ADAMTS14: variants seen among roughly 807,000 people sequenced by gnomAD.
ADAMTS14 encodes the protein A disintegrin and metalloproteinase with thrombospondin motifs 14.
Under a neutral mutation model 128.6 loss-of-function variants are expected in ADAMTS14, and 100 were observed. The observed-to-expected ratio is 0.78, with a 90% CI of 0.66 to 0.92. The LOEUF is 0.92. ADAMTS14 is among the 40% of genes least tolerant of loss of function. The pLI is 0.00. For missense variants in ADAMTS14, 1,562 were observed against 1,658.6 expected (o/e 0.94, Z 1.01); for synonymous variants, 665 against 653.8 (o/e 1.02, Z -0.26).
chr10:70,678,216 A>G (rs1839702154), intron 2 of ADAMTS14, among the ~76,000 whole-genome samples: 1 of 152,216 alleles, frequency 6.6e-6, no homozygotes, highest in Non-Finnish European at 1.5e-5. Flanking sequence ...ATAGTTTACA[A>G]AGCTCTTTTG....
chr10:70,730,535 A>G (rs1044702417), intron 6 of ADAMTS14, among the ~76,000 whole-genome samples: 16 of 151,888 alleles, frequency 1.1e-4, no homozygotes, highest in African/African-American at 3.9e-4. Flanking sequence ...CTGCTGGAAG[A>G]CCCTCCATGG....
chr10:70,680,115 T>A (rs550684698), intron 2 of ADAMTS14, among the ~76,000 whole-genome samples: 3 of 152,322 alleles, frequency 2.0e-5, no homozygotes, highest in African/African-American at 4.8e-5. Context: ...AATAAACCTG[T>A]TACTGGCTGG....
At position 70,741,076 on chromosome 10, in the gene ADAMTS14, T is replaced by TC. The variant is rs1361443174; in HGVS notation, c.1840dup (p.Arg614ProfsTer27). On this transcript the variant is annotated frameshift_variant, in exon 12 of 22. Transcript: ENST00000373207. LOFTEE classifies it high-confidence loss of function. ...GAGTGCCCTGGGACCTACGAGGACT[T>TC]CCGGGCCCAGCAGTGTGCCAAGCGC... 1.2e-6 allele frequency: 2 copies of TC among 1,614,012 alleles called. No homozygotes were observed. Among genetic ancestry groups the TC allele is most frequent in the Admixed American group, 1.7e-5 (1 of 60,034 alleles).
At chr10:70,743,982 A>G (rs1337600445) in intron 13 of ADAMTS14, 84 bp from the exon 14 acceptor site, 7 of 1,496,414 alleles carry the variant, frequency 4.7e-6, no homozygotes, top group East Asian at 5.0e-5. Flanking sequence ...TCTCCTGACC[A>G]GGGCCTGGGG....
intron 15 of ADAMTS14, among the ~76,000 whole-genome samples, chr10:70,745,844 C>T (rs535026409): frequency 2.2e-4 from 33 of 152,238 alleles, no homozygotes; most frequent in Non-Finnish European, 4.4e-4. Flanking sequence ...AGGATGGCCT[C>T]GCTCACATGT....
At chr10:70,704,709 C>T (rs1361461826) in intron 3 of ADAMTS14, among the ~76,000 whole-genome samples, 1 of 151,628 alleles carries the variant, frequency 6.6e-6, no homozygotes, top group Non-Finnish European at 1.5e-5. Flanking sequence ...CACCCACACT[C>T]ACACATAGAC....
chr10:70,757,917 C>T (rs1321050027), intron 19 of ADAMTS14, 45 bp from the exon 20 acceptor site: 15 of 1,552,560 alleles, frequency 9.7e-6, no homozygotes, highest in South Asian at 2.5e-5. Context: ...TCTCCACCTA[C>T]CCTGACCCCG....
chr10:70,758,125 T>A, intron 20 of ADAMTS14, 34 bp downstream of exon 20: 1 of 1,612,418 alleles, frequency 6.2e-7, no homozygotes, highest in South Asian at 1.1e-5. Context: ...CCAGGTCCAG[T>A]CCCTTGGGCC....
chr10:70,756,945 G>C (rs900372738), intron 19 of ADAMTS14, among the ~76,000 whole-genome samples: 1 of 152,076 alleles, frequency 6.6e-6, no homozygotes, highest in African/African-American at 2.4e-5. Flanking sequence ...GTCAGGAGCT[G>C]TTAGCTGCTG....
chr10:70,745,666 A>T (rs907011243), intron 15 of ADAMTS14, among the ~76,000 whole-genome samples: 1 of 152,210 alleles, frequency 6.6e-6, no homozygotes, highest in African/African-American at 2.4e-5. Flanking sequence ...TTGCTGCCTA[A>T]CACACCACTC....
intron 12 of ADAMTS14, among the ~76,000 whole-genome samples, 169 bp downstream of exon 12, chr10:70,741,331 G>C (rs1275857897): frequency 6.6e-6 from 1 of 152,212 alleles, no homozygotes; most frequent in Non-Finnish European, 1.5e-5. Context: ...CCTTTTGTAG[G>C]CCTGTTCTTG....
chr10:70,741,072 G>T lies in ADAMTS14; in HGVS notation c.1834G>T (p.Asp612Tyr). The change falls in exon 12 of 22, where the codon GAC becomes TAC. Residue 612 changes from aspartate (D) to tyrosine (Y), a missense_variant. Coordinates refer to ENST00000373207, the MANE Select transcript of ADAMTS14 (RefSeq NM_080722.4). ...NSEECPGTYE[D>Y]FRAQQCAKRN... ...CGAGGAGTGCCCTGGGACCTACGAG[G>T]ACTTCCGGGCCCAGCAGTGTGCCAA... is the stretch of plus-strand genomic sequence containing the variant. 6.2e-7 allele frequency: 1 copy of T among 1,614,066 alleles called. No homozygotes were observed. The highest frequency in any genetic ancestry group is 8.5e-7 in the Non-Finnish European group (1 of 1,179,996).
intron 2 of ADAMTS14, among the ~76,000 whole-genome samples, chr10:70,678,612 G>A (rs1003564752): frequency 6.6e-6 from 1 of 151,942 alleles, no homozygotes; most frequent in African/African-American, 2.4e-5. Context: ...GGGGGGCTTG[G>A]TCTGACCTTG....
chr10:70,749,050 T>G (rs1042584767), intron 15 of ADAMTS14, among the ~76,000 whole-genome samples: 1 of 152,220 alleles, frequency 6.6e-6, no homozygotes, highest in African/African-American at 2.4e-5. Context: ...TTTTAAAATC[T>G]CTGCCTCTGT....
At chr10:70,708,958 C>T (rs969557329) in intron 4 of ADAMTS14, among the ~76,000 whole-genome samples, 180 bp downstream of exon 4, 16 of 152,076 alleles carry the variant, frequency 1.1e-4, no homozygotes, top group African/African-American at 3.6e-4. Context: ...CAGCCAGGTT[C>T]GATGGTGTAA....
intron 6 of ADAMTS14, among the ~76,000 whole-genome samples, chr10:70,731,545 G>A (rs980338821): frequency 2.0e-5 from 3 of 152,138 alleles, no homozygotes; most frequent in Non-Finnish European, 2.9e-5. Flanking sequence ...TGCTTAGCTG[G>A]TGCCGGCCCC....
At chr10:70,728,296 A>G (rs991991988) in intron 4 of ADAMTS14, among the ~76,000 whole-genome samples, 3 of 152,228 alleles carry the variant, frequency 2.0e-5, no homozygotes, top group Non-Finnish European at 2.9e-5. Context: ...AGATGCATGC[A>G]TGTACACACG....
At chr10:70,728,803 C>T (rs997561882) in intron 4 of ADAMTS14, among the ~76,000 whole-genome samples, 1 of 152,232 alleles carries the variant, frequency 6.6e-6, no homozygotes, top group African/African-American at 2.4e-5. Context: ...GCTGCTGCTC[C>T]AAGGTCCTGG....
intron 2 of ADAMTS14, among the ~76,000 whole-genome samples, chr10:70,675,680 TGCTA>T (rs1839625741): frequency 6.6e-6 from 1 of 152,198 alleles, no homozygotes; most frequent in Non-Finnish European, 1.5e-5. Flanking sequence ...GGAGCGCCTC[TGCTA>T]GTTGGCTCCA....
Sources: allele counts gnomAD v4.1 joint callset (sites outside exome capture counted in the v4.1 genomes callset), GRCh38; gene constraint gnomAD v4.1.1; transcripts MANE v1.5; gene names NCBI Gene and HGNC (gene_info 2026-07-23, HGNC 2026-07-21).